The following PDXDC1 variants were observed in gnomAD, a reference collection of about 807,000 sequenced individuals.
PDXDC1 encodes the protein pyridoxal-dependent decarboxylase domain-containing protein 1.
A neutral mutation model predicts 100.1 loss-of-function variants in PDXDC1; 42 were observed. The observed-to-expected ratio is 0.42, with a 90% CI of 0.33 to 0.54. PDXDC1 has a LOEUF of 0.54. Among genes scored for constraint, PDXDC1 ranks in the 20% least tolerant of loss-of-function variants. The pLI is 0.10. For missense variants in PDXDC1, 636 were observed against 979.2 expected, an observed-to-expected ratio of 0.65 and a Z score of 4.68; for synonymous variants, 260 against 371.7, an observed-to-expected ratio of 0.70 and a Z score of 3.46.
chr16:15,066,125 A>G (rs1356053307), intron 16 of PDXDC1, among the ~76,000 whole-genome samples: 2 of 152,188 alleles, frequency 1.3e-5, no homozygotes, highest in Non-Finnish European at 2.9e-5. Context: ...TTCAAGCCAC[A>G]TACTTTGATT....
At chr16:14,986,771 G>T (rs1034957934) in intron 1 of PDXDC1, among the ~76,000 whole-genome samples, 2 of 152,292 alleles carry the variant, frequency 1.3e-5, no homozygotes, top group Admixed American at 6.5e-5. Context: ...GTTTGAGACA[G>T]AGTCTTGCTC....
At chr16:15,014,473 A>T (rs891420589) in intron 8 of PDXDC1, among the ~76,000 whole-genome samples, 3 of 152,300 alleles carry the variant, frequency 2.0e-5, no homozygotes, top group African/African-American at 7.2e-5. Context: ...CGATCCAGGC[A>T]CTAACACAGC....
intron 1 of PDXDC1, among the ~76,000 whole-genome samples, chr16:14,981,609 G>C (rs983424870): frequency 6.6e-6 from 1 of 152,282 alleles, no homozygotes; most frequent in Non-Finnish European, 1.5e-5. Context: ...GTGTTTACTC[G>C]TGTTATAAGA....
At chr16:15,122,969 T>C (rs957770993) in intron 16 of PDXDC1, among the ~76,000 whole-genome samples, 2 of 150,206 alleles carry the variant, frequency 1.3e-5, no homozygotes, top group Admixed American at 1.3e-4. Flanking sequence ...TCAAATTAAG[T>C]TCTCAAGCGC....
At chr16:15,103,413 T>C in intron 16 of PDXDC1, 1 of 623,416 alleles carries the variant, frequency 1.6e-6, no homozygotes, top group Non-Finnish European at 2.8e-6. Context: ...CACCCTGGCA[T>C]AGCCAGATGA....
intron 1 of PDXDC1, among the ~76,000 whole-genome samples, chr16:14,978,388 G>T (rs1318688932): frequency 1.3e-5 from 2 of 152,276 alleles, no homozygotes; most frequent in African/African-American, 4.8e-5. Context: ...GTAAAAACCT[G>T]TTATATTATT....
intron 16 of PDXDC1, among the ~76,000 whole-genome samples, chr16:15,054,108 C>T (rs975630499): frequency 5.3e-5 from 8 of 152,370 alleles, no homozygotes; most frequent in African/African-American, 1.9e-4. Context: ...CACCCACCCA[C>T]TGGGCCCTTC....
intron 16 of PDXDC1, chr16:15,136,058 A>G (rs2048334882): frequency 1.3e-6 from 2 of 1,574,216 alleles, no homozygotes; most frequent in African/African-American, 1.3e-5. Flanking sequence ...TCCAGGCTGA[A>G]GGCCTCGCCC....
downstream of PDXDC1, among the ~76,000 whole-genome samples, chr16:15,041,462 G>C (rs781749543): frequency 5.9e-5 from 9 of 152,156 alleles, no homozygotes; most frequent in Non-Finnish European, 1.3e-4. Flanking sequence ...GTGGACGAGG[G>C]CAAGGGGAAG....
At chr16:15,058,724 CTT>C (rs1053565555) in intron 16 of PDXDC1, among the ~76,000 whole-genome samples, 1 of 151,872 alleles carries the variant, frequency 6.6e-6, no homozygotes, top group African/African-American at 2.4e-5. Context: ...GAGTGAGACT[CTT>C]GTCTCAAAAA....
rs374073077 is a variant in PDXDC1 at position 15,117,552 on chromosome 16, G to A, written c.1400-21327G>A. On this transcript the variant is annotated intron_variant, in intron 16 of 16. Coordinates refer to the PDXDC1 transcript ENST00000535621. ...TACTAAAAATACACAAATTAGCTGG[G>A]CATGGTGGTGGGCACCTGTAATCCC... 8.0e-4 allele frequency among the ~76,000 whole-genome samples: 121 copies of A among 151,448 alleles called. No homozygotes were observed. The East Asian group carries it at 0.014, about 18-fold the overall frequency.
chr16:15,094,246 A>G lies in PDXDC1; in HGVS notation c.1400-44633A>G, dbSNP rs769055603. 3.2e-6 allele frequency: 5 copies of G among 1,564,612 alleles called. No individual in the cohort carries two copies. The Admixed American group carries it at 9.4e-5, about 30-fold the overall frequency. On this transcript the variant is annotated intron_variant, in intron 16 of 16. Coordinates refer to the PDXDC1 transcript ENST00000535621. ...GCGGTGCCGCCATTGGGCCGAACTA[A>G]CGCGACCGCTGCGCCTCAGGCCGGA...
chr16:15,069,420 G>C (rs1240896386), intron 16 of PDXDC1, among the ~76,000 whole-genome samples: 1 of 152,158 alleles, frequency 6.6e-6, no homozygotes, highest in East Asian at 1.9e-4. Flanking sequence ...AATTTACAAT[G>C]ACTTATAAAC....
At chr16:15,150,251 G>A in the PDXDC1 span, among the ~76,000 whole-genome samples, 53 of 152,162 alleles carry the variant, frequency 3.5e-4, no homozygotes, top group East Asian at 2.3e-3. Context: ...TGAGGCAGGA[G>A]AATGGCGTGA....
Position 15,035,398 on chromosome 16 carries a change from C to T in PDXDC1, c.2003-51C>T, listed in dbSNP as rs779363929. The T allele has an allele frequency of 3.6e-6, 4 of 1,101,334 alleles. No homozygotes were observed. In the South Asian group the frequency reaches 4.5e-5, roughly 12 times the overall value. 68.2% of individuals were successfully genotyped at this position (1,101,334 alleles called of 1,614,324 possible). ...GCTGTGTGAGGGCAGGTGGTGTCTT[C>T]AAGGGCAGCCTGTGCCTGTAGCTTC... On this transcript the variant is annotated intron_variant, in intron 21 of 22. Coordinates refer to ENST00000396410, the MANE Select transcript of PDXDC1 (RefSeq NM_015027.4).
chr16:15,148,582 C>A, the PDXDC1 span, among the ~76,000 whole-genome samples: 1 of 151,272 alleles, frequency 6.6e-6, no homozygotes, highest in Admixed American at 6.6e-5. Flanking sequence ...CGGGGTCTCA[C>A]CCTGTTGCCC....
downstream of PDXDC1, among the ~76,000 whole-genome samples, chr16:15,039,265 C>A (rs1294189878): frequency 6.6e-6 from 1 of 152,190 alleles, no homozygotes; most frequent in African/African-American, 2.4e-5. Flanking sequence ...AGGCCTGTTA[C>A]ACTCCTTGAG....
At chr16:15,033,179 C>G in intron 18 of PDXDC1, 99 bp from the exon 19 acceptor site, 1 of 1,326,306 alleles carries the variant, frequency 7.5e-7, no homozygotes, top group Non-Finnish European at 1.1e-6. Flanking sequence ...TGGAGGAGAC[C>G]CCTTTGTGTG....
intron 16 of PDXDC1, among the ~76,000 whole-genome samples, chr16:15,076,166 C>G (rs776283461): frequency 6.6e-6 from 1 of 152,172 alleles, no homozygotes; most frequent in Non-Finnish European, 1.5e-5. Context: ...CTGTCTCAGA[C>G]TCTCCTTCCA....
Sources: gnomAD v4.1 joint callset for allele counts (sites outside exome capture counted in the v4.1 genomes callset) on GRCh38, gnomAD v4.1.1 for gene constraint, MANE v1.5 for transcripts, NCBI Gene and HGNC (gene_info 2026-07-23, HGNC 2026-07-21) for gene names.